Variants in TBC1D30 observed in about 807,000 individuals in gnomAD.
TBC1D30 encodes TBC1 domain family member 30.
In TBC1D30, 31 loss-of-function variants were observed where a neutral mutation model predicts 63.2. That is an observed-to-expected ratio of 0.49 (90% CI 0.37 to 0.66). The LOEUF (loss-of-function observed/expected upper bound fraction) is 0.66. TBC1D30 is among the 30% of genes least tolerant of loss of function. The pLI is 0.00. For missense variants in TBC1D30, 810 were observed against 953.6 expected, an observed-to-expected ratio of 0.85 and a Z score of 1.98; for synonymous variants, 307 against 361.5, an observed-to-expected ratio of 0.85 and a Z score of 1.71.
chr12:64,781,262 C>T lies in TBC1D30; in HGVS notation c.454C>T (p.Gln152Ter). Residue 152 changes from glutamine (Q) to a stop codon, truncating the protein, a stop_gained, in exon 1 of 13, where the codon CAG becomes TAG. Transcript: ENST00000542120. LOFTEE classifies it high-confidence loss of function. The stretch of plus-strand genomic sequence containing the variant: ...GCAGGAGCGACCGAGCCAGCGGCAT[C>T]AGATGCTGTACCTGCGGCAGAAAGG... The T allele has an allele frequency of 8.6e-7, 1 of 1,156,228 alleles. No individual in the cohort carries two copies. Among genetic ancestry groups the T allele is most frequent in the Non-Finnish European group, 1.1e-6 (1 of 923,544 alleles). The allele number at this position is 1,156,228 out of a possible 1,614,324, so 71.6% of individuals were successfully genotyped here.
At chr12:64,771,746 A>C (rs559995668) in intron 1 of TBC1D30, among the ~76,000 whole-genome samples, 1 of 152,330 alleles carries the variant, frequency 6.6e-6, no homozygotes, top group African/African-American at 2.4e-5. Context: ...AGTAGTTTAA[A>C]AAAACAACAA....
At chr12:64,828,549 C>A in intron 3 of TBC1D30, 40 bp downstream of exon 3, 1 of 1,355,976 alleles carries the variant, frequency 7.4e-7, no homozygotes, top group Non-Finnish European at 1.0e-6. Context: ...GAAGGATCAT[C>A]ACTGCCCTTC....
In TBC1D30 at chr12:64,852,822, C is replaced by T. The variant is rs140409723; in HGVS notation, c.1038+9337C>T. On this transcript the variant is annotated intron_variant, in intron 8 of 11. Transcript: ENST00000539867. The stretch of plus-strand genomic sequence containing the variant: ...TCCTGGGTATCACCAGTGAAGGCTA[C>T]AGAACAGCAAAGATTGCTGCCTGTT... 3.3e-5 allele frequency among the ~76,000 whole-genome samples: 5 copies of T among 152,338 alleles called. No individual in the cohort carries two copies. The East Asian group carries it at 9.7e-4, about 29-fold the overall frequency.
At chr12:64,789,247 C>T (rs1315921465) in intron 2 of TBC1D30, among the ~76,000 whole-genome samples, 2 of 147,666 alleles carry the variant, frequency 1.4e-5, no homozygotes, top group Admixed American at 6.9e-5. Flanking sequence ...TGCAGTGCTG[C>T]AGTCTTGGCT....
At chr12:64,817,223 A>AC (rs1873595743) in intron 2 of TBC1D30, among the ~76,000 whole-genome samples, 1 of 152,198 alleles carries the variant, frequency 6.6e-6, no homozygotes. Flanking sequence ...ATGACTGCTC[A>AC]CAGCGCCATT....
At chr12:64,839,983 C>T (rs868105603) in intron 7 of TBC1D30, among the ~76,000 whole-genome samples, 3 of 122,046 alleles carry the variant, frequency 2.5e-5, no homozygotes, top group Non-Finnish European at 4.7e-5. Flanking sequence ...CTAGCCTGGA[C>T]GACAGAGCAA....
At chr12:64,867,688 C>T (rs1878338888) in intron 10 of TBC1D30, among the ~76,000 whole-genome samples, 1 of 152,016 alleles carries the variant, frequency 6.6e-6, no homozygotes, top group Admixed American at 6.6e-5. Flanking sequence ...TAATTTATTC[C>T]AGACTGGCTT....
chr12:64,855,691 AT>A (rs1271181636), intron 8 of TBC1D30, among the ~76,000 whole-genome samples: 1 of 152,190 alleles, frequency 6.6e-6, no homozygotes, highest in Non-Finnish European at 1.5e-5. Flanking sequence ...TTTTTGTTAA[AT>A]TTTTATGATA....
chr12:64,846,204 T>C (rs562098250), intron 8 of TBC1D30, among the ~76,000 whole-genome samples: 64 of 152,190 alleles, frequency 4.2e-4, no homozygotes, highest in Non-Finnish European at 6.5e-4. Flanking sequence ...TTTTTAACTT[T>C]ATATGATCCC....
chr12:64,864,411 G>C (rs1028582980), intron 8 of TBC1D30, among the ~76,000 whole-genome samples: 12 of 152,184 alleles, frequency 7.9e-5, no homozygotes, highest in African/African-American at 2.9e-4. Context: ...GACTGCCCGT[G>C]ATTGCCCACC....
intron 8 of TBC1D30, among the ~76,000 whole-genome samples, chr12:64,850,921 G>A (rs1393618215): frequency 6.6e-6 from 1 of 152,126 alleles, no homozygotes; most frequent in Non-Finnish European, 1.5e-5. Flanking sequence ...TCTTTGGTTG[G>A]TAGGCTATTA....
chr12:64,853,730 C>A (rs1419923200), intron 8 of TBC1D30, among the ~76,000 whole-genome samples: 2 of 152,210 alleles, frequency 1.3e-5, no homozygotes. Flanking sequence ...CAAGGCTTCC[C>A]TTTGCTAGGG....
intron 8 of TBC1D30, among the ~76,000 whole-genome samples, chr12:64,864,255 G>C (rs1878029593): frequency 6.6e-6 from 1 of 152,188 alleles, no homozygotes; most frequent in African/African-American, 2.4e-5. Context: ...AGGCTGACCT[G>C]ACATTAAATG....
rs368980307 is a variant in TBC1D30 at position 64,870,784 on chromosome 12, G to T, written c.1474G>T (p.Val492Phe). The change falls in exon 11 of 12, where the codon GTT becomes TTT. Residue 492 changes from valine to phenylalanine, a missense_variant. Physicochemically the swap from Val to Phe is conservative, Grantham distance 50. Transcript: ENST00000539867. Reference protein sequence around the residue: ...SRIKKKQQQQVHQVYIRADKG... With the variant: ...SRIKKKQQQQFHQVYIRADKG... ...AATTAAAAAGAAGCAACAGCAGCAGGTTCATCAGGTGTACATCAGGGCAGG... is the reference window on the plus strand; with the variant it reads ...AATTAAAAAGAAGCAACAGCAGCAGTTTCATCAGGTGTACATCAGGGCAGG... The T allele has an allele frequency of 3.3e-6, 5 of 1,535,976 alleles. No homozygotes were observed. The highest frequency in any genetic ancestry group is 4.9e-5 in the East Asian group (2 of 40,914).
chr12:64,861,521 CCTTTT>C (rs1268759646), intron 8 of TBC1D30, among the ~76,000 whole-genome samples: 1 of 152,082 alleles, frequency 6.6e-6, no homozygotes, highest in Non-Finnish European at 1.5e-5. Context: ...TCAGTCTTTC[CCTTTT>C]CTTTCTGTTC....
At chr12:64,762,848 A>T (rs1433975639) in intron 1 of TBC1D30, among the ~76,000 whole-genome samples, 2 of 152,200 alleles carry the variant, frequency 1.3e-5, no homozygotes, top group African/African-American at 4.8e-5. Flanking sequence ...GTGATAATTC[A>T]GAAAAATTAT....
chr12:64,846,993 A>G (rs1876440339), intron 8 of TBC1D30, among the ~76,000 whole-genome samples: 1 of 151,764 alleles, frequency 6.6e-6, no homozygotes, highest in Admixed American at 6.6e-5. Flanking sequence ...CAGATTGTTC[A>G]CTGTTTGCAT....
In TBC1D30 at chr12:64,870,788, A is replaced by G; in HGVS notation, c.1478A>G (p.His493Arg). ...RIKKKQQQQVHQVYIRADKGP... is the reference protein window; with the variant it reads ...RIKKKQQQQVRQVYIRADKGP... ...AAAAAGAAGCAACAGCAGCAGGTTC[A>G]TCAGGTGTACATCAGGGCAGGTAAT... The change falls in exon 11 of 12, where the codon CAT becomes CGT. Residue 493 changes from histidine (H) to arginine (R), a missense_variant. Coordinates refer to ENST00000539867, the MANE Select transcript of TBC1D30 (RefSeq NM_015279.2). 12 of 1,536,110 alleles carry G rather than the reference A, an allele frequency of 7.8e-6. No individual in the cohort carries two copies. The highest frequency in any genetic ancestry group is 1.2e-5 in the South Asian group (1 of 84,062).
At chr12:64,849,986 A>G (rs969349566) in intron 8 of TBC1D30, among the ~76,000 whole-genome samples, 2 of 152,162 alleles carry the variant, frequency 1.3e-5, no homozygotes, top group African/African-American at 4.8e-5. Flanking sequence ...GAGGTCCTTC[A>G]CATCCCTTGT....
Sources: allele counts gnomAD v4.1 joint callset (sites outside exome capture counted in the v4.1 genomes callset), GRCh38; gene constraint gnomAD v4.1.1; transcripts MANE v1.5; gene names NCBI Gene and HGNC (gene_info 2026-07-23, HGNC 2026-07-21).